Variants in TKT observed in about 807,000 individuals in gnomAD.
TKT encodes the protein epididymis luminal protein 107.
TKT carries 47 observed loss-of-function variants against 63.9 expected under a neutral mutation model. That is an observed-to-expected ratio of 0.74 (90% CI 0.58 to 0.94). TKT has a LOEUF of 0.94. TKT is among the 40% of genes least tolerant of loss of function. The probability of loss-of-function intolerance (pLI) is 0.00; values close to 1 mark genes in which losing one functional copy is unlikely to be tolerated. For synonymous variants in TKT, 338 were observed against 334.1 expected (o/e 1.01, Z -0.13); for missense variants, 721 against 846.2 (o/e 0.85, Z 1.84).
chr3:53,243,442 T>G (rs1705373219), intron 1 of TKT: 1 of 378,792 alleles, frequency 2.6e-6, no homozygotes, highest in Admixed American at 3.1e-5. Flanking sequence ...GCCGCCAGCC[T>G]CCCGCCCCTC....
Position 53,231,534 on chromosome 3 carries a change from C to T in TKT, c.765G>A (p.Glu255=), listed in dbSNP as rs150711727. The part of the protein sequence containing the change: ...GRGITGVEDK[E]SWHGKPLPKN... ...TGGGGAGGGGCTTCCCATGCCAAGA[C>T]TCCTTATCTTCTACCCCTGCAGACC... Residue 255 remains glutamate, a synonymous_variant, in exon 7 of 14, where the codon GAG becomes GAA. Coordinates refer to ENST00000462138, the MANE Select transcript of TKT (RefSeq NM_001064.4). 7 of 1,613,820 alleles carry T rather than the reference C, an allele frequency of 4.3e-6. No homozygotes were observed. The highest frequency in any genetic ancestry group is 1.3e-5 in the African/African-American group (1 of 75,050).
rs567879282 is a variant in TKT, at chr3:53,225,789, T to C, written c.1839A>G (p.Ala613=). 1.1e-5 allele frequency: 17 copies of C among 1,614,018 alleles called. No individual in the cohort carries two copies. The South Asian group carries it at 1.9e-4, about 18-fold the overall frequency. Residue 613 remains alanine (A), a synonymous_variant, in exon 14 of 14, where the codon GCA becomes GCG. Coordinates refer to ENST00000462138, the MANE Select transcript of TKT (RefSeq NM_001064.4). The part of the protein sequence containing the change: ...KMFGIDRDAI[A]QAVRGLITKA ...TGGTGATGAGGCCCCTCACAGCTTG[T>C]GCAATGGCATCCCTGTCGATACCAA...
chr3:53,242,285 GCA>G, intron 1 of TKT, 43 bp from the exon 2 acceptor site: 1 of 1,574,292 alleles, frequency 6.4e-7, no homozygotes, highest in Non-Finnish European at 8.7e-7. Context: ...TCATGGCCCT[GCA>G]CTCCTGAGCT....
rs369331742 is a variant in TKT at position 53,235,238 on chromosome 3, C to T, written c.438-64G>A. On this transcript the variant is annotated intron_variant, in intron 4 of 13. Coordinates refer to ENST00000462138, the MANE Select transcript of TKT (RefSeq NM_001064.4). ...TGGACCCAGCTGGCTCCCACCCCCC[C>T]ACCCATCCAAGGAGCCTGCATTCTG... is the stretch of plus-strand genomic sequence containing the variant. 8 of 1,420,542 alleles carry T rather than the reference C, an allele frequency of 5.6e-6. No homozygotes were observed. In the African/African-American group the frequency reaches 5.9e-5, roughly 10 times the overall value. 88.0% of individuals were successfully genotyped at this position (1,420,542 alleles called of 1,614,324 possible).
At chr3:53,228,577 A>G in intron 10 of TKT, 1 of 563,084 alleles carries the variant, frequency 1.8e-6, no homozygotes, top group Non-Finnish European at 3.1e-6. Flanking sequence ...ACCGAAGGCA[A>G]CTTTCCACCA....
intron 6 of TKT, chr3:53,232,339 C>T (rs1473187850): frequency 1.3e-5 from 5 of 398,924 alleles, no homozygotes; most frequent in African/African-American, 8.2e-5. Context: ...CCCTCCCAGA[C>T]ACCTCCCAGC....
chr3:53,225,676 C>G lies in TKT; in HGVS notation c.*80G>C, dbSNP rs994775563. On this transcript the variant is annotated 3_prime_UTR_variant, in exon 14 of 14. Transcript: ENST00000462138. ...ATTTTTCTCAAAACATATATTTACC[C>G]CTCCTCTCAGTACATCTTTGAGCAC... 156 of 1,414,964 alleles carry G rather than the reference C, an allele frequency of 1.1e-4. No individual in the cohort carries two copies. The highest frequency in any genetic ancestry group is 1.4e-4 in the Non-Finnish European group (144 of 1,049,924). The allele number at this position is 1,414,964 out of a possible 1,614,324, so 87.7% of individuals were successfully genotyped here.
chr3:53,247,633 C>CAAAAAAAAAA (rs3075723), intron 1 of TKT, among the ~76,000 whole-genome samples: 1 of 66,986 alleles, frequency 1.5e-5, no homozygotes, highest in East Asian at 4.5e-4. Flanking sequence ...GACTCCACCT[C>CAAAAAAAAAA]AAAAAAAAAA....
chr3:53,235,182 C>A lies in TKT; in HGVS notation c.438-8G>T. 6.2e-7 allele frequency: 1 copy of A among 1,604,688 alleles called. No homozygotes were observed. Among genetic ancestry groups the A allele is most frequent in the Non-Finnish European group, 8.5e-7 (1 of 1,174,516 alleles). On this transcript the variant is annotated splice_region_variant and splice_polypyrimidine_tract_variant and intron_variant, in intron 4 of 13. Transcript: ENST00000462138. ...AAGCAATAGACTCGGTAGCTGTGGA[C>A]AGAGAGTGAATCAGGCCAGTCCCTC...
In TKT at chr3:53,233,234, G is replaced by C; in HGVS notation, c.670C>G (p.Leu224Val). The C allele has an allele frequency of 6.2e-6, 10 of 1,613,520 alleles. No homozygotes were observed. Among genetic ancestry groups the C allele is most frequent in the Non-Finnish European group, 8.5e-6 (10 of 1,179,790 alleles). Reference sequence around the variant, plus strand: ...TTGGCCTGGCCAAAGGCCTTGCACAGCTCCTCCACGCTGTGTCCATCCACG... The same window carrying C: ...TTGGCCTGGCCAAAGGCCTTGCACACCTCCTCCACGCTGTGTCCATCCACG... ...IIVDGHSVEE[L>V]CKAFGQAKHQ... is the part of the protein sequence containing the mutation. Residue 224 changes from leucine to valine, a missense_variant, in exon 6 of 14, where the codon CTG becomes GTG. By Grantham distance (32) the Leu-to-Val change is conservative. Coordinates refer to ENST00000462138, the MANE Select transcript of TKT (RefSeq NM_001064.4).
chr3:53,252,427 C>T (rs140859218), intron 1 of TKT, among the ~76,000 whole-genome samples: 2 of 152,346 alleles, frequency 1.3e-5, no homozygotes, highest in East Asian at 1.9e-4. Context: ...TGCATAGCAA[C>T]GTTATTTCCT....
intron 1 of TKT, among the ~76,000 whole-genome samples, chr3:53,246,231 G>A (rs114956746): frequency 0.015 from 2,208 of 152,182 alleles, 61 homozygotes; most frequent in African/African-American, 0.05. Context: ...TCGTGCCATT[G>A]TACTCTAGAC....
chr3:53,234,659 C>T (rs574170446), intron 5 of TKT: 2 of 219,062 alleles, frequency 9.1e-6, no homozygotes, highest in Non-Finnish European at 1.8e-5. Flanking sequence ...TTAGCTTTAC[C>T]GAGCAAGCCC....
chr3:53,226,558 T>G (rs1704505189), intron 13 of TKT, 198 bp downstream of exon 13: 8 of 654,570 alleles, frequency 1.2e-5, no homozygotes, highest in South Asian at 1.9e-5. Context: ...ACAGAGCTCA[T>G]CAGCAGCTGT....
chr3:53,255,702 C>T (rs980673135), intron 1 of TKT, 134 bp downstream of exon 1: 1 of 479,730 alleles, frequency 2.1e-6, no homozygotes, highest in Non-Finnish European at 3.2e-6. Context: ...GCGTCTCCGC[C>T]CTCCGACGGC....
intron 1 of TKT, among the ~76,000 whole-genome samples, chr3:53,251,693 C>G (rs1553681672): frequency 6.6e-6 from 1 of 152,222 alleles, no homozygotes; most frequent in South Asian, 2.1e-4. Context: ...CAAAGCTAGA[C>G]ATGGTAGCAC....
rs2279323 is a variant in TKT at position 53,226,887 on chromosome 3, G to A, written c.1574-9C>T. ...GCGGATGTTGATCTTTTCTGTGAGGGAGAGCACACGGCGTGGCTGAGGGGA... is the reference window on the plus strand; with the variant it reads ...GCGGATGTTGATCTTTTCTGTGAGGAAGAGCACACGGCGTGGCTGAGGGGA... On this transcript the variant is annotated splice_polypyrimidine_tract_variant and intron_variant, in intron 12 of 13. Coordinates refer to ENST00000462138, the MANE Select transcript of TKT (RefSeq NM_001064.4). 8 of 1,597,876 alleles carry A rather than the reference G, an allele frequency of 5.0e-6. No individual in the cohort carries two copies. The highest frequency in any genetic ancestry group is 6.8e-6 in the Non-Finnish European group (8 of 1,171,090).
At position 53,231,418 on chromosome 3, in the gene TKT, G is replaced by A. The variant is rs1553676998; in HGVS notation, c.881C>T (p.Pro294Leu). Reference sequence around the variant, plus strand: ...GCGGATGTTGGCAATGTCCACTGAGGGTGCGTCCTCCTGTGGAGGGGTTGC... The same window carrying A: ...GCGGATGTTGGCAATGTCCACTGAGAGTGCGTCCTCCTGTGGAGGGGTTGC... Reference protein sequence around the residue: ...ILATPPQEDAPSVDIANIRMP... With the variant: ...ILATPPQEDALSVDIANIRMP... Residue 294 changes from proline to leucine, a missense_variant, in exon 7 of 14, where the codon CCC (proline) becomes CTC (leucine). Transcript: ENST00000462138. 1.2e-5 allele frequency: 19 copies of A among 1,613,976 alleles called. No individual in the cohort carries two copies. The highest frequency in any genetic ancestry group is 1.4e-5 in the Non-Finnish European group (17 of 1,180,022).
Position 53,241,220 on chromosome 3 carries a change from G to A in TKT, c.251C>T (p.Ala84Val), listed in dbSNP as rs782403023. Residue 84 changes from alanine (A) to valine (V), a missense_variant, in exon 3 of 14, where the codon GCG (alanine) becomes GTG (valine). Ala to Val is a moderately conservative substitution (Grantham distance 64). Coordinates refer to ENST00000462138, the MANE Select transcript of TKT (RefSeq NM_001064.4). Reference protein sequence around the residue: ...SKGHAAPILYAVWAEAGFLAE... With the variant: ...SKGHAAPILYVVWAEAGFLAE... ...CAGGAAACCAGCTTCAGCCCAGACCGCGTAGAGGATGGGAGCTGCATGGCC... is the reference window on the plus strand; with the variant it reads ...CAGGAAACCAGCTTCAGCCCAGACCACGTAGAGGATGGGAGCTGCATGGCC... 4.4e-6 allele frequency: 7 copies of A among 1,601,622 alleles called. No individual in the cohort carries two copies. In the East Asian group the frequency reaches 6.9e-5, roughly 16 times the overall value.
Sources: gnomAD v4.1 joint callset for allele counts (sites outside exome capture counted in the v4.1 genomes callset) on GRCh38, gnomAD v4.1.1 for gene constraint, MANE v1.5 for transcripts, NCBI Gene and HGNC (gene_info 2026-07-23, HGNC 2026-07-21) for gene names.